PCDHA6: variants seen among roughly 807,000 people sequenced by gnomAD.
PCDHA6 encodes protocadherin alpha 6, also known as protocadherin alpha-6.
In PCDHA6, 55 loss-of-function variants were observed where a neutral mutation model predicts 60.3. That is an observed-to-expected ratio of 0.91 (90% CI 0.73 to 1.14). The LOEUF is 1.14. Among genes scored for constraint, PCDHA6 ranks in the 50% most tolerant of loss-of-function variants. The pLI is 0.00. For synonymous variants in PCDHA6, 652 were observed against 557.9 expected (o/e 1.17, Z -2.38); for missense variants, 1,327 against 1,256.5 (o/e 1.06, Z -0.85).
rs576037609 is a variant in PCDHA6, at chr5:140,856,982, A to C, written c.2394+26497A>C. 1.2e-5 allele frequency: 19 copies of C among 1,595,040 alleles called. 1 individual carries two copies. In the South Asian group the frequency reaches 1.9e-4, roughly 16 times the overall value. ...AAATGATGCTATTGACTTTGAGGAC[A>C]GTAACACTTATGAAATTCATGTAGA... is the stretch of plus-strand genomic sequence containing the variant. On this transcript the variant is annotated intron_variant, in intron 1 of 3. Transcript: ENST00000529310.
rs549678873 is a variant in PCDHA6, at chr5:140,877,710, G to GA, written c.2394+47226dup. ...CGCTGGTGTGCTCCAGCGCCGTGGG[G>GA]AGTTGGTCTTACTCGCAGCAGAGGA... is the stretch of plus-strand genomic sequence containing the variant. On this transcript the variant is annotated intron_variant, in intron 1 of 3. Transcript: ENST00000529310. 3.7e-5 allele frequency: 60 copies of GA among 1,614,098 alleles called. 1 individual carries two copies. The Admixed American group carries it at 8.2e-4, about 22-fold the overall frequency.
chr5:141,005,142 T>C (rs1554259898), intron 3 of PCDHA6, among the ~76,000 whole-genome samples: 1 of 152,234 alleles, frequency 6.6e-6, no homozygotes, highest in African/African-American at 2.4e-5. Flanking sequence ...ATTGGAGAGT[T>C]GTTTGGTCTG....
At chr5:140,967,843 T>C (rs782701780) in intron 1 of PCDHA6, 3 of 1,614,102 alleles carry the variant, frequency 1.9e-6, no homozygotes, top group Admixed American at 3.3e-5. Flanking sequence ...TGGACGTGAA[T>C]GACAATGCCC....
At chr5:140,921,333 A>G (rs1245281166) in intron 1 of PCDHA6, among the ~76,000 whole-genome samples, 1 of 152,182 alleles carries the variant, frequency 6.6e-6, no homozygotes, top group Admixed American at 6.5e-5. Flanking sequence ...GTCTGGTCCA[A>G]TCACATAATA....
chr5:140,901,234 T>C (rs1013983503), intron 1 of PCDHA6, among the ~76,000 whole-genome samples: 1 of 152,156 alleles, frequency 6.6e-6, no homozygotes, highest in Non-Finnish European at 1.5e-5. Flanking sequence ...ATATATCCAT[T>C]TTTTTCCTTT....
chr5:140,842,964 A>G, intron 1 of PCDHA6: 1 of 1,594,990 alleles, frequency 6.3e-7, no homozygotes, highest in East Asian at 2.2e-5. Flanking sequence ...CTGGGCAGCA[A>G]CGTGACGCTG....
chr5:140,990,649 T>C (rs1465284882), intron 3 of PCDHA6, among the ~76,000 whole-genome samples: 1 of 152,212 alleles, frequency 6.6e-6, no homozygotes, highest in African/African-American at 2.4e-5. Context: ...TCAGCCAGTA[T>C]GAATGATTTA....
intron 1 of PCDHA6, among the ~76,000 whole-genome samples, chr5:140,959,348 G>C (rs991931151): frequency 1.3e-5 from 2 of 152,110 alleles, no homozygotes; most frequent in Admixed American, 6.5e-5. Flanking sequence ...GCACTCCAGC[G>C]GGACAACTGA....
intron 1 of PCDHA6, chr5:140,834,461 A>T: frequency 6.3e-7 from 1 of 1,589,356 alleles, no homozygotes; most frequent in Non-Finnish European, 8.6e-7. Flanking sequence ...CTTGGGAGGC[A>T]GGGAGAGGCC....
At position 140,828,401 on chromosome 5, in the gene PCDHA6, A is replaced by C; in HGVS notation, c.310A>C (p.Ile104Leu). Residue 104 changes from isoleucine (I) to leucine (L), a missense_variant, in exon 1 of 4, where the codon ATC becomes CTC. Coordinates refer to ENST00000529310, the MANE Select transcript of PCDHA6 (RefSeq NM_018909.4). ...GTGCGGGCGGAGCGCGGAGTGCAGC[A>C]TCCACCTGGAGGTGATCGTGGACAG... is the stretch of plus-strand genomic sequence containing the variant. ...ELCGRSAECS[I>L]HLEVIVDRPL... 2.5e-6 allele frequency: 4 copies of C among 1,614,288 alleles called. No homozygotes were observed. Among genetic ancestry groups the C allele is most frequent in the Non-Finnish European group, 3.4e-6 (4 of 1,180,050 alleles).
intron 1 of PCDHA6, chr5:140,967,218 C>G: frequency 6.2e-7 from 1 of 1,613,744 alleles, no homozygotes; most frequent in Non-Finnish European, 8.5e-7. Flanking sequence ...TTCCCGCGGC[C>G]CAACTACCAG....
chr5:140,899,848 C>T (rs2067590475), intron 1 of PCDHA6, among the ~76,000 whole-genome samples: 1 of 152,178 alleles, frequency 6.6e-6, no homozygotes, highest in Non-Finnish European at 1.5e-5. Flanking sequence ...TGCTGTGTCA[C>T]CCAGGCTGGA....
intron 1 of PCDHA6, among the ~76,000 whole-genome samples, chr5:140,906,888 A>C (rs1438258969): frequency 6.6e-6 from 1 of 152,102 alleles, no homozygotes; most frequent in Admixed American, 6.5e-5. Flanking sequence ...CTTCCTTCTT[A>C]GATTGTTGGT....
At chr5:140,875,738 G>C (rs1197047985) in intron 1 of PCDHA6, 1 of 1,614,204 alleles carries the variant, frequency 6.2e-7, no homozygotes, top group Non-Finnish European at 8.5e-7. Context: ...GTGAATTCTC[G>C]GATCGACCGC....
In PCDHA6 at chr5:140,829,349, G is replaced by A. The variant is rs1770243547; in HGVS notation, c.1258G>A (p.Ala420Thr). The change falls in exon 1 of 4, where the codon GCC (alanine) becomes ACC (threonine). Residue 420 changes from alanine (A) to threonine (T), a missense_variant. Physicochemically the swap from Ala to Thr is moderately conservative, Grantham distance 58. Coordinates refer to ENST00000529310, the MANE Select transcript of PCDHA6 (RefSeq NM_018909.4). ...DSALDRESVS[A>T]YELVVTARDG... ...TGCCCTGGACCGCGAGAGCGTGTCG[G>A]CCTATGAGTTGGTGGTAACCGCGCG... 6.2e-7 allele frequency: 1 copy of A among 1,614,120 alleles called. No homozygotes were observed. Among genetic ancestry groups the A allele is most frequent in the Admixed American group, 1.7e-5 (1 of 60,012 alleles).
chr5:140,841,294 A>C, intron 1 of PCDHA6: 1 of 1,563,306 alleles, frequency 6.4e-7, no homozygotes, highest in Non-Finnish European at 8.6e-7. Flanking sequence ...TTAAGATAAT[A>C]TTTTCTGATA....
chr5:140,876,761 G>C (rs1554168887), intron 1 of PCDHA6: 2 of 1,614,238 alleles, frequency 1.2e-6, no homozygotes, highest in East Asian at 2.2e-5. Context: ...GCGCGGGATG[G>C]GGGCTCGCCT....
At position 140,850,209 on chromosome 5, in the gene PCDHA6, G is replaced by C. The variant is rs17844333; in HGVS notation, c.2394+19724G>C. ...GGCGCTGCTGACACCTCGGATGAGG[G>C]GCACTGACGGCGCAGTGAGCGAGAT... On this transcript the variant is annotated intron_variant, in intron 1 of 3. Coordinates refer to ENST00000529310, the MANE Select transcript of PCDHA6 (RefSeq NM_018909.4). 7.0e-3 allele frequency: 11,231 copies of C among 1,593,568 alleles called. 1,600 individuals carry two copies. The Admixed American group carries it at 0.15, about 21-fold the overall frequency.
At chr5:140,985,386 T>A (rs2097149117) in intron 3 of PCDHA6, among the ~76,000 whole-genome samples, 1 of 152,170 alleles carries the variant, frequency 6.6e-6, no homozygotes, top group African/African-American at 2.4e-5. Context: ...TATAATCCAG[T>A]CACCCCAACT....
Sources: gnomAD v4.1 joint callset for allele counts (sites outside exome capture counted in the v4.1 genomes callset) on GRCh38, gnomAD v4.1.1 for gene constraint, MANE v1.5 for transcripts, NCBI Gene and HGNC (gene_info 2026-07-23, HGNC 2026-07-21) for gene names.